TLE1: variants seen among roughly 807,000 people sequenced by gnomAD.
The protein encoded by TLE1 is TLE family member 1, transcriptional corepressor.
In TLE1, 21 loss-of-function variants were observed where a neutral mutation model predicts 89.8. The observed-to-expected ratio is 0.23, with a 90% confidence interval of 0.17 to 0.34. TLE1 has a LOEUF of 0.34. Ranked by LOEUF, TLE1 falls within the 10% of genes least tolerant of loss-of-function variation. TLE1 has a pLI of 1.00. For missense variants in TLE1, 795 were observed against 1,031.2 expected (o/e 0.77, Z 3.14); for synonymous variants, 447 against 407.6 (o/e 1.10, Z -1.16).
intron 12 of TLE1, chr9:81,612,482 C>T (rs1473324063): frequency 6.2e-6 from 3 of 480,150 alleles, no homozygotes; most frequent in Non-Finnish European, 8.1e-6. Context: ...TTTTTCCTTT[C>T]CCACTGGGGA....
intron 17 of TLE1, among the ~76,000 whole-genome samples, chr9:81,587,160 T>TA (rs1399419111): frequency 6.6e-6 from 1 of 152,240 alleles, no homozygotes; most frequent in Admixed American, 6.5e-5. Context: ...GTTCATTTTT[T>TA]AAAGGATGAG....
chr9:81,652,569 T>C (rs909282368), intron 5 of TLE1, among the ~76,000 whole-genome samples: 1 of 152,090 alleles, frequency 6.6e-6, no homozygotes, highest in Non-Finnish European at 1.5e-5. Context: ...AATGATAACA[T>C]AGGACCTTAA....
At chr9:81,659,211 C>G (rs1830487526) in intron 4 of TLE1, among the ~76,000 whole-genome samples, 1 of 152,212 alleles carries the variant, frequency 6.6e-6, no homozygotes, top group Non-Finnish European at 1.5e-5. Flanking sequence ...CCTGGCCTCT[C>G]GTAGTGACTC....
rs1235444612 is a variant in TLE1, at chr9:81,593,018, C to CACTCACCA, written c.1580_1581+6dup. On this transcript the variant is annotated splice_region_variant and intron_variant, in intron 15 of 19. Coordinates refer to ENST00000376499, the MANE Select transcript of TLE1 (RefSeq NM_005077.5). ...TTGCCCTTGTGCACCAGTTCCTGTT[C>CACTCACCA]ACTCACCAGACAGTCGAGCTGGGAG... 6.2e-7 allele frequency: 1 copy of CACTCACCA among 1,609,908 alleles called. No homozygotes were observed. The highest frequency in any genetic ancestry group is 1.3e-5 in the African/African-American group (1 of 74,844).
chr9:81,641,581 T>TA (rs1321267714), intron 6 of TLE1, among the ~76,000 whole-genome samples: 14 of 151,878 alleles, frequency 9.2e-5, no homozygotes, highest in African/African-American at 3.4e-4. Flanking sequence ...AGTACAAAAA[T>TA]TAAAAAATAA....
rs781296909 is a variant in TLE1, at chr9:81,675,707, TG to T, written c.234+9968del. 6.9e-3 allele frequency among the ~76,000 whole-genome samples: 985 copies of T among 142,458 alleles called. 82 individuals carry two copies. The highest frequency in any genetic ancestry group is 0.01 in the Non-Finnish European group (691 of 66,034). 93.5% of individuals were successfully genotyped at this position (142,458 alleles called of 152,430 possible). ...ATAAGGACTCACACTAGTTTTTTTT[TG>T]TTTTTTTTTTTGAGACGGAGTCTCG... On this transcript the variant is annotated intron_variant, in intron 4 of 19. Transcript: ENST00000376499.
intron 1 of TLE1, among the ~76,000 whole-genome samples, chr9:81,687,893 A>G (rs1018004032): frequency 6.6e-6 from 1 of 151,932 alleles, no homozygotes; most frequent in Non-Finnish European, 1.5e-5. Flanking sequence ...AATAGGCGAG[A>G]GGAGAAACAA....
chr9:81,676,959 G>T (rs555323713), intron 4 of TLE1, among the ~76,000 whole-genome samples: 4 of 152,190 alleles, frequency 2.6e-5, no homozygotes, highest in Non-Finnish European at 5.9e-5. Flanking sequence ...AAATTTGGCC[G>T]GGCATGGTGG....
chr9:81,610,405 G>GA, intron 13 of TLE1, 109 bp from the exon 14 acceptor site: 1 of 797,678 alleles, frequency 1.3e-6, no homozygotes, highest in Non-Finnish European at 2.1e-6. Context: ...ACATAAATGG[G>GA]AACAGTAACA....
At chr9:81,585,085 C>A (rs1281086294) in intron 18 of TLE1, among the ~76,000 whole-genome samples, 1 of 152,166 alleles carries the variant, frequency 6.6e-6, no homozygotes, top group African/African-American at 2.4e-5. Context: ...TTCATCCTCA[C>A]TGTAGAGTAG....
intron 4 of TLE1, among the ~76,000 whole-genome samples, chr9:81,683,674 A>G (rs1833898605): frequency 1.3e-5 from 2 of 152,192 alleles, no homozygotes; most frequent in East Asian, 1.9e-4. Context: ...CAGCATTTCC[A>G]ATATCAACTA....
intron 14 of TLE1, among the ~76,000 whole-genome samples, chr9:81,607,543 C>T (rs1311722215): frequency 1.3e-5 from 2 of 152,204 alleles, no homozygotes; most frequent in East Asian, 3.9e-4. Context: ...TAAGGATCAG[C>T]TGAACTTGGC....
At chr9:81,680,458 T>C (rs533565917) in intron 4 of TLE1, among the ~76,000 whole-genome samples, 2 of 152,322 alleles carry the variant, frequency 1.3e-5, no homozygotes, top group African/African-American at 4.8e-5. Context: ...TTGAAGATTT[T>C]GGGGGCATTC....
At chr9:81,667,040 C>T (rs1344514668) in intron 4 of TLE1, among the ~76,000 whole-genome samples, 1 of 151,678 alleles carries the variant, frequency 6.6e-6, no homozygotes, top group African/African-American at 2.4e-5. Flanking sequence ...ATCACTTGTT[C>T]GGAGTAATCC....
At position 81,616,011 on chromosome 9, in the gene TLE1, T is replaced by C; in HGVS notation, c.889A>G (p.Thr297Ala). 1 of 1,613,882 alleles carries C rather than the reference T, an allele frequency of 6.2e-7. No homozygotes were observed. The highest frequency in any genetic ancestry group is 8.5e-7 in the Non-Finnish European group (1 of 1,179,986). Residue 297 changes from threonine to alanine, a missense_variant, in exon 11 of 20, where the codon ACT becomes GCT. By Grantham distance (58) the Thr-to-Ala change is moderately conservative. Transcript: ENST00000376499. Reference protein sequence around the residue: ...PASTASSASSTSLKSKEMSLH... With the variant: ...PASTASSASSASLKSKEMSLH... ...CTCATTTCTTTGGATTTCAAAGAAGTGGAACTTGCCGAGGAGGCCGTGGAA... is the reference window on the plus strand; with the variant it reads ...CTCATTTCTTTGGATTTCAAAGAAGCGGAACTTGCCGAGGAGGCCGTGGAA...
chr9:81,661,522 T>C (rs1830793403), intron 4 of TLE1, among the ~76,000 whole-genome samples: 1 of 151,990 alleles, frequency 6.6e-6, no homozygotes, highest in Non-Finnish European at 1.5e-5. Flanking sequence ...AAATTGCAAA[T>C]TGATGGATCA....
chr9:81,616,033 G>A lies in TLE1; in HGVS notation c.867C>T (p.Ser289=). 6.2e-7 allele frequency: 1 copy of A among 1,613,912 alleles called. No individual in the cohort carries two copies. Among genetic ancestry groups the A allele is most frequent in the African/African-American group, 1.3e-5 (1 of 75,028 alleles). The change falls in exon 11 of 20, where the codon TCC becomes TCT. Residue 289 remains serine, a synonymous_variant. Coordinates refer to ENST00000376499, the MANE Select transcript of TLE1 (RefSeq NM_005077.5). ...LKKDASSSPA[S]TASSASSTSL... Reference sequence around the variant, plus strand: ...AAGTGGAACTTGCCGAGGAGGCCGTGGAAGCTGGACTGCTAGAAGCATCCT... The same window carrying A: ...AAGTGGAACTTGCCGAGGAGGCCGTAGAAGCTGGACTGCTAGAAGCATCCT...
intron 8 of TLE1, among the ~76,000 whole-genome samples, chr9:81,625,911 T>TAAAAAAAAAAAAAA (rs35467275): frequency 4.6e-5 from 4 of 87,830 alleles, no homozygotes; most frequent in African/African-American, 1.6e-4. Context: ...CAGAAACTAC[T>TAAAAAAAAAAAAAA]AAAAAAAAAA....
At chr9:81,591,844 C>A (rs761133237) in intron 15 of TLE1, among the ~76,000 whole-genome samples, 1 of 152,138 alleles carries the variant, frequency 6.6e-6, no homozygotes, top group Non-Finnish European at 1.5e-5. Context: ...CTAATAACTA[C>A]TCTAAAAAAA....
Sources: gnomAD v4.1 joint callset for allele counts (sites outside exome capture counted in the v4.1 genomes callset) on GRCh38, gnomAD v4.1.1 for gene constraint, MANE v1.5 for transcripts, NCBI Gene and HGNC (gene_info 2026-07-23, HGNC 2026-07-21) for gene names.